Variants in CPNE8 observed in about 807,000 individuals in gnomAD.
CPNE8 encodes the protein copine 8, also known as copine-8.
A neutral mutation model predicts 81.5 loss-of-function variants in CPNE8; 45 were observed. That is an observed-to-expected ratio of 0.55 (90% confidence interval 0.44 to 0.71). The LOEUF (loss-of-function observed/expected upper bound fraction) is 0.71, where lower values mean the gene tolerates loss of function less well. Among genes scored for constraint, CPNE8 ranks in the 30% least tolerant of loss-of-function variants. The pLI, the probability that CPNE8 is intolerant of heterozygous loss-of-function variation, is 0.00. For missense variants in CPNE8, 594 were observed against 672.1 expected (o/e 0.88, Z 1.28); for synonymous variants, 252 against 226.3 (o/e 1.11, Z -1.02).
chr12:38,703,035 G>A (rs1027155869), intron 13 of CPNE8, 114 bp from the exon 14 acceptor site: 10 of 711,140 alleles, frequency 1.4e-5, no homozygotes, highest in Non-Finnish European at 2.3e-5. Flanking sequence ...CGTTAATTAA[G>A]AGCAATATAT....
chr12:38,753,218 G>A (rs943722902), intron 10 of CPNE8, among the ~76,000 whole-genome samples: 16 of 152,106 alleles, frequency 1.1e-4, no homozygotes, highest in Non-Finnish European at 1.6e-4. Flanking sequence ...TTGGGAGGCC[G>A]AGACGGGTGG....
chr12:38,883,545 A>T (rs868128994), intron 1 of CPNE8, among the ~76,000 whole-genome samples: 1 of 152,200 alleles, frequency 6.6e-6, no homozygotes, highest in Non-Finnish European at 1.5e-5. Context: ...ATGAATACAT[A>T]ATAGTCAATA....
intron 1 of CPNE8, among the ~76,000 whole-genome samples, chr12:38,879,120 C>T (rs1199951982): frequency 2.0e-5 from 3 of 152,088 alleles, no homozygotes; most frequent in Admixed American, 2.0e-4. Flanking sequence ...TTGAGAGAGT[C>T]AGGTGGGAGG....
intron 14 of CPNE8, among the ~76,000 whole-genome samples, chr12:38,695,048 TAAA>T (rs1349620054): frequency 6.6e-6 from 1 of 152,182 alleles, no homozygotes; most frequent in African/African-American, 2.4e-5. Context: ...ACAAAATCAC[TAAA>T]AAAGTATCTT....
At chr12:38,697,217 T>C (rs1404932939) in intron 14 of CPNE8, among the ~76,000 whole-genome samples, 1 of 152,162 alleles carries the variant, frequency 6.6e-6, no homozygotes, top group Non-Finnish European at 1.5e-5. Context: ...CGTCTTTTTG[T>C]CTCCATTGAT....
chr12:38,673,614 A>C (rs538512607), intron 18 of CPNE8, among the ~76,000 whole-genome samples: 5 of 152,270 alleles, frequency 3.3e-5, no homozygotes, highest in Admixed American at 2.6e-4. Flanking sequence ...TTTCTATCCC[A>C]TTAGAACTTC....
Position 38,789,182 on chromosome 12 carries a change from C to T in CPNE8, c.408-12881G>A, listed in dbSNP as rs535494027. On this transcript the variant is annotated intron_variant, in intron 6 of 19. Coordinates refer to ENST00000331366, the MANE Select transcript of CPNE8 (RefSeq NM_153634.3). ...AAAAAGAACAAAACTGGAGAAATTA[C>T]ATTACCTGACTTTGAATTATACTAC... Among the ~76,000 whole-genome samples, 10 of 151,942 alleles carry T rather than the reference C, an allele frequency of 6.6e-5. No homozygotes were observed. In the South Asian group the frequency reaches 2.1e-3, roughly 32 times the overall value.
chr12:38,653,660 T>C lies in CPNE8; in HGVS notation c.*222A>G. 1 of 363,362 alleles carries C rather than the reference T, an allele frequency of 2.8e-6. No individual in the cohort carries two copies. Among genetic ancestry groups the C allele is most frequent in the South Asian group, 7.4e-5 (1 of 13,474 alleles). The allele number at this position is 363,362 out of a possible 1,614,324, so 22.5% of individuals were successfully genotyped here. A position where few individuals can be genotyped will look rare whatever the true frequency, so the allele number is the denominator to read the frequency against. The stretch of plus-strand genomic sequence containing the variant: ...AAGATTTAGAGAAGACATCCATACT[T>C]TGCTTCAAGCATTTAAACAATTTTT... On this transcript the variant is annotated 3_prime_UTR_variant, in exon 20 of 20. Coordinates refer to ENST00000331366, the MANE Select transcript of CPNE8 (RefSeq NM_153634.3).
At position 38,687,370 on chromosome 12, in the gene CPNE8, C is replaced by CTTTTTTTTTTTTTTTTTTTTTT. The variant is rs35643732; in HGVS notation, c.1144-1754_1144-1753insAAAAAAAAAAAAAAAAAAAAAA. On this transcript the variant is annotated intron_variant, in intron 15 of 19. Transcript: ENST00000331366. Reference sequence around the variant, plus strand: ...GCTACCAAATTACGAAATGCCAAGACTTTCTTTTTTTTTTTTTTTTTTTTT... The same window carrying CTTTTTTTTTTTTTTTTTTTTTT: ...GCTACCAAATTACGAAATGCCAAGACTTTTTTTTTTTTTTTTTTTTTTTTTCTTTTTTTTTTTTTTTTTTTTT... Among the ~76,000 whole-genome samples, 14 of 95,494 alleles carry CTTTTTTTTTTTTTTTTTTTTTT rather than the reference C, an allele frequency of 1.5e-4. 6 individuals carry two copies. The highest frequency in any genetic ancestry group is 2.3e-4 in the Non-Finnish European group (11 of 46,860). 62.6% of individuals were successfully genotyped at this position (95,494 alleles called of 152,430 possible).
At position 38,760,846 on chromosome 12, in the gene CPNE8, C is replaced by CCTTCCATCT; in HGVS notation, c.714_722dup (p.Arg238_Gly240dup). ...GAGTAAGAAGATAAGAACTGTCTTACCTTCCATCTCGGTCCCAGTCATACA... is the reference window on the plus strand; with the variant it reads ...GAGTAAGAAGATAAGAACTGTCTTACCTTCCATCTCTTCCATCTCGGTCCCAGTCATACA... On this transcript the variant is annotated inframe_insertion and splice_region_variant. Coordinates refer to ENST00000331366, the MANE Select transcript of CPNE8 (RefSeq NM_153634.3). The CCTTCCATCT allele has an allele frequency of 6.3e-7, 1 of 1,591,498 alleles. No homozygotes were observed. Among genetic ancestry groups the CCTTCCATCT allele is most frequent in the Non-Finnish European group, 8.6e-7 (1 of 1,169,552 alleles).
intron 3 of CPNE8, among the ~76,000 whole-genome samples, chr12:38,864,057 CAAA>C (rs35534366): frequency 7.8e-5 from 7 of 89,886 alleles, no homozygotes; most frequent in Admixed American, 1.2e-4. Context: ...TCATCTCTCA[CAAA>C]AAAAAAAAAA....
At chr12:38,795,867 G>GGATGGATAGATA (rs150549824) in intron 6 of CPNE8, among the ~76,000 whole-genome samples, 34 of 148,252 alleles carry the variant, frequency 2.3e-4, no homozygotes, top group African/African-American at 7.1e-4. Context: ...ATGGATGGAT[G>GGATGGATAGATA]GATAGATAGA....
At chr12:38,765,100 G>A (rs1941660385) in intron 8 of CPNE8, among the ~76,000 whole-genome samples, 1 of 152,126 alleles carries the variant, frequency 6.6e-6, no homozygotes, top group Non-Finnish European at 1.5e-5. Context: ...ATATTTATGA[G>A]GCAGGCAGTC....
chr12:38,782,568 C>T (rs1450115753), intron 6 of CPNE8, among the ~76,000 whole-genome samples: 3 of 151,902 alleles, frequency 2.0e-5, no homozygotes, highest in Non-Finnish European at 2.9e-5. Flanking sequence ...GAAAGAAAGA[C>T]CTAGAATATG....
chr12:38,732,269 A>G (rs192572963), intron 10 of CPNE8, among the ~76,000 whole-genome samples: 1 of 152,124 alleles, frequency 6.6e-6, no homozygotes, highest in East Asian at 1.9e-4. Flanking sequence ...GGCAGAAAGA[A>G]GTGATAATTC....
intron 6 of CPNE8, among the ~76,000 whole-genome samples, chr12:38,781,083 T>C (rs1190182399): frequency 6.6e-6 from 1 of 152,038 alleles, no homozygotes; most frequent in Non-Finnish European, 1.5e-5. Flanking sequence ...AAATTAAATA[T>C]GCTGAAAAAA....
At chr12:38,879,369 A>G (rs1944117313) in intron 1 of CPNE8, among the ~76,000 whole-genome samples, 1 of 151,536 alleles carries the variant, frequency 6.6e-6, no homozygotes, top group Non-Finnish European at 1.5e-5. Context: ...CCCTCCTCGA[A>G]TTGTCTGTGA....
chr12:38,723,819 A>C lies in CPNE8; in HGVS notation c.867T>G (p.Ser289=). The C allele has an allele frequency of 6.3e-7, 1 of 1,581,984 alleles. No individual in the cohort carries two copies. Among genetic ancestry groups the C allele is most frequent in the East Asian group, 2.2e-5 (1 of 44,624 alleles). ...YTNSGTVTLL[S]FLVETEVSFL... is the part of the protein sequence containing the mutation. ...ATGAAACTTCTGTTTCTACCAAGAA[A>C]GAGAGTAAAGTTACCTGAAAAAGAA... Residue 289 remains serine (S), a synonymous_variant, in exon 13 of 20, where the codon TCT becomes TCG. Coordinates refer to ENST00000331366, the MANE Select transcript of CPNE8 (RefSeq NM_153634.3).
intron 6 of CPNE8, among the ~76,000 whole-genome samples, chr12:38,803,343 C>T (rs930754547): frequency 9.1e-5 from 10 of 109,602 alleles, no homozygotes; most frequent in African/African-American, 2.9e-4. Context: ...GGATGCAAGG[C>T]TGGTTCAATA....
Sources: gnomAD v4.1 joint callset for allele counts (sites outside exome capture counted in the v4.1 genomes callset) on GRCh38, gnomAD v4.1.1 for gene constraint, MANE v1.5 for transcripts, NCBI Gene and HGNC (gene_info 2026-07-23, HGNC 2026-07-21) for gene names.